FCHO2: variants seen among roughly 807,000 people sequenced by gnomAD.
FCHO2 encodes the protein FCH and mu domain containing endocytic adaptor 2.
In FCHO2, 43 loss-of-function variants were observed where a neutral mutation model predicts 114.1. The ratio of observed to expected loss-of-function variants is 0.38; its 90% CI spans 0.30 to 0.49. The LOEUF (loss-of-function observed/expected upper bound fraction) is 0.49, where lower values mean the gene tolerates loss of function less well. FCHO2 is among the 20% of genes least tolerant of loss of function. FCHO2 has a pLI of 0.97. For missense variants in FCHO2, 807 were observed against 950.4 expected, an observed-to-expected ratio of 0.85 and a Z score of 1.98; for synonymous variants, 293 against 315.2, an observed-to-expected ratio of 0.93 and a Z score of 0.75.
chr5:72,998,583 C>T (rs1409509941), intron 5 of FCHO2, among the ~76,000 whole-genome samples: 1 of 151,884 alleles, frequency 6.6e-6, no homozygotes, highest in African/African-American at 2.4e-5. Context: ...GGTTTCATAT[C>T]ATTAATGCAA....
At chr5:73,085,944 G>A (rs1054174183) in intron 24 of FCHO2, among the ~76,000 whole-genome samples, 3 of 151,850 alleles carry the variant, frequency 2.0e-5, no homozygotes, top group Admixed American at 1.3e-4. Context: ...CCAATATGGT[G>A]AAACCCTGTC....
intron 1 of FCHO2, among the ~76,000 whole-genome samples, chr5:72,966,297 C>T (rs566448898): frequency 2.7e-4 from 41 of 152,204 alleles, no homozygotes; most frequent in African/African-American, 8.4e-4. Flanking sequence ...AAAAGTTCAC[C>T]GAAGGAGAAG....
chr5:72,986,772 A>AC (rs1408294609), intron 2 of FCHO2, among the ~76,000 whole-genome samples: 1 of 152,112 alleles, frequency 6.6e-6, no homozygotes, highest in Non-Finnish European at 1.5e-5. Context: ...TGAAGGTGAG[A>AC]CCCAAGTCTA....
rs1477845851 is a variant in FCHO2 at position 73,089,604 on chromosome 5, T to C, written c.*1514T>C. The C allele has an allele frequency of 6.6e-6, 1 of 152,510 alleles. No individual in the cohort carries two copies. The highest frequency in any genetic ancestry group is 1.5e-5 in the Non-Finnish European group (1 of 67,946). The allele number at this position is 152,510 out of a possible 1,614,324, so 9.4% of individuals were successfully genotyped here. A position where few individuals can be genotyped will look rare whatever the true frequency, so the allele number is the denominator to read the frequency against. On this transcript the variant is annotated 3_prime_UTR_variant, in exon 26 of 26. Transcript: ENST00000430046. ...CGGATAAGGTTTCATAATTTACAAA[T>C]GGGAATTTCATTTATAATAATAAAT... is the stretch of plus-strand genomic sequence containing the variant.
intron 24 of FCHO2, among the ~76,000 whole-genome samples, chr5:73,087,362 C>A (rs140498914): frequency 3.1e-3 from 473 of 152,280 alleles, no homozygotes; most frequent in African/African-American, 0.011. Context: ...TAGTTAACAT[C>A]TCTGAAGATT....
At chr5:73,012,770 T>C (rs1487416220) in intron 6 of FCHO2, among the ~76,000 whole-genome samples, 2 of 152,188 alleles carry the variant, frequency 1.3e-5, no homozygotes, top group African/African-American at 4.8e-5. Context: ...CATTGCTGAA[T>C]TACTCTGAGC....
At chr5:72,972,244 A>T (rs1305943313) in intron 2 of FCHO2, among the ~76,000 whole-genome samples, 1 of 151,820 alleles carries the variant, frequency 6.6e-6, no homozygotes. Context: ...GAAGAAAGTC[A>T]TTAGTAGCTT....
At chr5:72,991,693 C>T (rs1241504558) in intron 5 of FCHO2, among the ~76,000 whole-genome samples, 2 of 152,034 alleles carry the variant, frequency 1.3e-5, no homozygotes, top group Non-Finnish European at 2.9e-5. Flanking sequence ...GTATATCTCA[C>T]TTAAGAATGA....
In FCHO2 at chr5:73,073,316, T is replaced by A. The variant is rs371112001; in HGVS notation, c.1580-1426T>A. Among the ~76,000 whole-genome samples the A allele has an allele frequency of 9.9e-5, 15 of 152,166 alleles. No individual in the cohort carries two copies. The East Asian group carries it at 2.3e-3, about 24-fold the overall frequency. ...TGTTTCTCTCAAACATTATCAGTGG[T>A]TTCTAGTGACAAAAGGATAAAATTA... On this transcript the variant is annotated intron_variant, in intron 19 of 25. Coordinates refer to ENST00000430046, the MANE Select transcript of FCHO2 (RefSeq NM_138782.3).
chr5:73,014,438 G>A (rs1418774720), intron 6 of FCHO2, among the ~76,000 whole-genome samples: 2 of 151,492 alleles, frequency 1.3e-5, no homozygotes, highest in East Asian at 2.0e-4. Flanking sequence ...ACAGGCACGC[G>A]CCACCACGCC....
chr5:73,084,450 G>A (rs1036784760), intron 24 of FCHO2, among the ~76,000 whole-genome samples: 1 of 152,038 alleles, frequency 6.6e-6, no homozygotes, highest in Admixed American at 6.6e-5. Flanking sequence ...ATTTTTAGTA[G>A]AGACAGGGTT....
chr5:73,031,677 A>G (rs1002817048), intron 8 of FCHO2, among the ~76,000 whole-genome samples: 1 of 152,170 alleles, frequency 6.6e-6, no homozygotes, highest in African/African-American at 2.4e-5. Flanking sequence ...TTAAAGCATC[A>G]TATTTAAGAA....
chr5:72,976,326 T>C (rs1393314983), intron 2 of FCHO2, among the ~76,000 whole-genome samples: 1 of 152,090 alleles, frequency 6.6e-6, no homozygotes, highest in Non-Finnish European at 1.5e-5. Flanking sequence ...TGATCCTCCT[T>C]GCCCAGCCTT....
At chr5:73,045,722 A>G (rs1015393322) in intron 11 of FCHO2, among the ~76,000 whole-genome samples, 1 of 152,170 alleles carries the variant, frequency 6.6e-6, no homozygotes, top group African/African-American at 2.4e-5. Context: ...CTTTCAACCT[A>G]ACTATATTGT....
chr5:73,002,190 T>C (rs1754482256), intron 5 of FCHO2, among the ~76,000 whole-genome samples: 1 of 152,158 alleles, frequency 6.6e-6, no homozygotes, highest in Non-Finnish European at 1.5e-5. Context: ...AAGAAATTTA[T>C]GAAAATATGC....
intron 17 of FCHO2, among the ~76,000 whole-genome samples, chr5:73,062,944 A>G (rs1340613637): frequency 1.3e-5 from 2 of 152,010 alleles, no homozygotes; most frequent in Non-Finnish European, 2.9e-5. Flanking sequence ...CCCACCCATT[A>G]TATTTTTCAG....
chr5:72,964,356 C>A (rs1046234239), intron 1 of FCHO2, among the ~76,000 whole-genome samples: 15 of 152,112 alleles, frequency 9.9e-5, no homozygotes, highest in Admixed American at 3.3e-4. Flanking sequence ...TGCATCAAAT[C>A]GTTCTGACTG....
chr5:73,054,654 A>G, intron 15 of FCHO2, 105 bp downstream of exon 15: 1 of 828,216 alleles, frequency 1.2e-6, no homozygotes, highest in South Asian at 1.7e-5. Context: ...TTTTCTCATC[A>G]TGAGCCCTAC....
chr5:72,969,494 G>A (rs1580008328), intron 2 of FCHO2, among the ~76,000 whole-genome samples: 1 of 152,084 alleles, frequency 6.6e-6, no homozygotes, highest in South Asian at 2.1e-4. Context: ...CCTTCCTCCG[G>A]GCTTCTACAT....
Sources: allele counts gnomAD v4.1 joint callset (sites outside exome capture counted in the v4.1 genomes callset), GRCh38; gene constraint gnomAD v4.1.1; transcripts MANE v1.5; gene names NCBI Gene and HGNC (gene_info 2026-07-23, HGNC 2026-07-21).